The following OR11A1 variants were observed in gnomAD, a reference collection of about 807,000 sequenced individuals.
OR11A1 encodes olfactory receptor family 11 subfamily A member 1.
For missense variants in OR11A1, 380 were observed against 378.2 expected, an observed-to-expected ratio of 1.00 and a Z score of -0.04; for synonymous variants, 158 against 152.2, an observed-to-expected ratio of 1.04 and a Z score of -0.28.
chr6:29,450,234 C>G (rs1403018306), intron 1 of OR11A1: 1 of 152,328 alleles, frequency 6.6e-6, no homozygotes, highest in Admixed American at 6.5e-5. Flanking sequence ...GGTAGTTTGG[C>G]TTCTCCCATG....
intron 1 of OR11A1, among the ~76,000 whole-genome samples, chr6:29,446,028 T>G (rs185668103): frequency 7.2e-5 from 11 of 152,160 alleles, no homozygotes; most frequent in African/African-American, 2.4e-4. Flanking sequence ...CCAGGGTTGA[T>G]CCTCTGAGAG....
At chr6:29,442,109 G>A (rs377271191) in intron 1 of OR11A1, among the ~76,000 whole-genome samples, 64 of 152,284 alleles carry the variant, frequency 4.2e-4, no homozygotes, top group African/African-American at 1.0e-3. Flanking sequence ...ACAGGTCAGC[G>A]CAAAGGCTAA....
Position 29,426,187 on chromosome 6 carries a change from T to C in OR11A1, c.*507A>G, listed in dbSNP as rs1274195834. Reference sequence around the variant, plus strand: ...ATTATTTTTAAATATTTATGACATATTTAATAAAGAACTAATCAAAGTTTA... The same window carrying C: ...ATTATTTTTAAATATTTATGACATACTTAATAAAGAACTAATCAAAGTTTA... On this transcript the variant is annotated 3_prime_UTR_variant, in exon 5 of 5. Transcript: ENST00000377149. The C allele has an allele frequency of 1.3e-5, 2 of 152,980 alleles. No individual in the cohort carries two copies. The highest frequency in any genetic ancestry group is 4.8e-5 in the African/African-American group (2 of 41,468). The allele number at this position is 152,980 out of a possible 1,614,324, so 9.5% of individuals were successfully genotyped here.
chr6:29,450,762 C>A (rs1025067442), intron 1 of OR11A1, among the ~76,000 whole-genome samples: 1 of 152,180 alleles, frequency 6.6e-6, no homozygotes, highest in Non-Finnish European at 1.5e-5. Context: ...TAGGAAGAAT[C>A]CGTATTATCC....
In OR11A1 at chr6:29,427,280, T is replaced by C. The variant is rs16894898; in HGVS notation, c.362A>G (p.Tyr121Cys). 9.6e-3 allele frequency: 15,414 copies of C among 1,613,024 alleles called. 326 individuals carry two copies. The highest frequency in any genetic ancestry group is 0.063 in the East Asian group (2,829 of 44,860). The change falls in exon 5 of 5, where the codon TAT becomes TGT. Residue 121 changes from tyrosine (Y) to cysteine (C), a missense_variant. Tyr to Cys is a radical substitution (Grantham distance 194, BLOSUM62 -2). Transcript: ENST00000377149. ...AECLLLAVMAYDRYLAICYPL... is the reference protein window; with the variant it reads ...AECLLLAVMACDRYLAICYPL... ...GTAGCAAATTGCCAGGTAGCGGTCA[T>C]ATGCCATGACAGCCAGCAGTAAGCA...
rs139568093 is a variant in OR11A1, at chr6:29,427,172, T to G, written c.470A>C (p.Asp157Ala). ...VTTWLSGFVV[D>A]GLVVALVAQL... The stretch of plus-strand genomic sequence containing the variant: ...GGCCACCAGGGCCACAACCAGTCCA[T>G]CTACCACAAATCCAGAGAGCCAGGT... The change falls in exon 5 of 5, where the codon GAT becomes GCT. Residue 157 changes from aspartate to alanine, a missense_variant. Physicochemically the swap from Asp to Ala is moderately radical, Grantham distance 126. Transcript: ENST00000377149. 572 of 1,613,072 alleles carry G rather than the reference T, an allele frequency of 3.5e-4. 7 individuals carry two copies. Among genetic ancestry groups the G allele is most frequent in the Middle Eastern group, 2.5e-3 (15 of 6,062 alleles).
chr6:29,444,107 G>A (rs61035434), intron 1 of OR11A1, among the ~76,000 whole-genome samples: 1 of 152,294 alleles, frequency 6.6e-6, no homozygotes, highest in African/African-American at 2.4e-5. Context: ...CCTGGTGAGA[G>A]ATGATTGAAT....
chr6:29,440,111 T>G, intron 1 of OR11A1: 2 of 1,613,382 alleles, frequency 1.2e-6, no homozygotes, highest in Non-Finnish European at 1.7e-6. Context: ...TCTTTCTCAC[T>G]ATCTACCTGC....
intron 1 of OR11A1, among the ~76,000 whole-genome samples, chr6:29,451,091 T>C (rs1785323517): frequency 6.6e-6 from 1 of 151,924 alleles, no homozygotes; most frequent in Non-Finnish European, 1.5e-5. Flanking sequence ...TTCAACAAAG[T>C]CAACAAAAAT....
intron 4 of OR11A1, chr6:29,428,437 G>A (rs1783007710): frequency 1.0e-6 from 1 of 982,886 alleles, no homozygotes; most frequent in Non-Finnish European, 1.2e-6. Flanking sequence ...GAAGCAAGTA[G>A]GCTAAGTTTT....
In OR11A1 at chr6:29,427,611, T is replaced by C; in HGVS notation, c.31A>G (p.Ile11Val). 2.5e-6 allele frequency: 4 copies of C among 1,610,522 alleles called. No individual in the cohort carries two copies. Among genetic ancestry groups the C allele is most frequent in the East Asian group, 4.5e-5 (2 of 44,830 alleles). Residue 11 changes from isoleucine (I) to valine (V), a missense_variant, in exon 5 of 5, where the codon ATT becomes GTT. By Grantham distance (29) the Ile-to-Val change is conservative. Transcript: ENST00000377149. ...AAGCCAAGGAGGACAAATTCAGTAA[T>C]AGTTTCGTTTCCTGTGGAGACAATT... MEIVSTGNET[I>V]TEFVLLGFYD...
intron 1 of OR11A1, among the ~76,000 whole-genome samples, chr6:29,451,165 C>G (rs1037434989): frequency 6.6e-6 from 1 of 152,226 alleles, no homozygotes; most frequent in Non-Finnish European, 1.5e-5. Flanking sequence ...AAGATTGAAA[C>G]TGGACCCTTT....
Position 29,428,929 on chromosome 6 carries a change from A to T in OR11A1, c.-108T>A. On this transcript the variant is annotated 5_prime_UTR_variant, in exon 4 of 5. The change abolishes an upstream ATG in the 5' untranslated region. Transcript: ENST00000377149. ...CTGTCATACCTGCTGGAAGGTTTTC[A>T]TATGCTATTCAAAGCAATATGTGTT... The T allele has an allele frequency of 1.0e-6, 1 of 974,766 alleles. No homozygotes were observed. Among genetic ancestry groups the T allele is most frequent in the African/African-American group, 1.8e-5 (1 of 56,880 alleles). 60.4% of individuals were successfully genotyped at this position (974,766 alleles called of 1,614,324 possible).
intron 1 of OR11A1, among the ~76,000 whole-genome samples, chr6:29,455,135 C>A (rs545083262): frequency 6.6e-6 from 1 of 152,184 alleles, no homozygotes; most frequent in South Asian, 2.1e-4. Context: ...TCAAAAAGCA[C>A]TTAACTGCAA....
chr6:29,431,516 C>T (rs992593192), intron 2 of OR11A1, among the ~76,000 whole-genome samples: 3 of 152,072 alleles, frequency 2.0e-5, no homozygotes, highest in African/African-American at 4.8e-5. Flanking sequence ...GAGGGTGTCT[C>T]GCTTCTTCCT....
In OR11A1 at chr6:29,427,588, G is replaced by T. The variant is rs758643889; in HGVS notation, c.54C>A (p.Gly18=). Reference sequence around the variant, plus strand: ...AATGCAGTTCAGGGATGTCATAGAAGCCAAGGAGGACAAATTCAGTAATAG... The same window carrying T: ...AATGCAGTTCAGGGATGTCATAGAATCCAAGGAGGACAAATTCAGTAATAG... ...NETITEFVLL[G]FYDIPELHFL... is the part of the protein sequence containing the mutation. The change falls in exon 5 of 5, where the codon GGC becomes GGA. Residue 18 remains glycine (G), a synonymous_variant. Transcript: ENST00000377149. 2.5e-6 allele frequency: 4 copies of T among 1,612,930 alleles called. No homozygotes were observed. In the Admixed American group the frequency reaches 5.0e-5, roughly 20 times the overall value.
At chr6:29,440,629 T>C in intron 1 of OR11A1, 1 of 1,614,072 alleles carries the variant, frequency 6.2e-7, no homozygotes, top group Non-Finnish European at 8.5e-7. Flanking sequence ...ACAGCCCTCC[T>C]CATCCTCTGC....
chr6:29,440,623 C>A, intron 1 of OR11A1: 1 of 1,613,964 alleles, frequency 6.2e-7, no homozygotes, highest in South Asian at 1.1e-5. Context: ...CTGGCAACAG[C>A]CCTCCTCATC....
chr6:29,430,682 G>A (rs867674257), intron 2 of OR11A1, among the ~76,000 whole-genome samples: 46 of 152,308 alleles, frequency 3.0e-4, no homozygotes, highest in African/African-American at 1.1e-3. Context: ...GGGAAGGGGT[G>A]AGGGATGAGA....
Sources: allele counts gnomAD v4.1 joint callset (sites outside exome capture counted in the v4.1 genomes callset), GRCh38; gene constraint gnomAD v4.1.1; transcripts MANE v1.5; gene names NCBI Gene and HGNC (gene_info 2026-07-23, HGNC 2026-07-21).